Variants in CTDSPL2 observed in about 807,000 individuals in gnomAD.
CTDSPL2 encodes the protein CTD small phosphatase like 2.
CTDSPL2 carries 5 observed loss-of-function variants against 60.0 expected under a neutral mutation model. That is an observed-to-expected ratio of 0.08 (90% confidence interval 0.04 to 0.18). The LOEUF is 0.18. CTDSPL2 is among the 10% of genes least tolerant of loss of function. The pLI is 1.00. For synonymous variants in CTDSPL2, 186 were observed against 189.3 expected (o/e 0.98, Z 0.14); for missense variants, 370 against 548.8 (o/e 0.67, Z 3.26).
At chr15:44,437,676 AACTCGTGTGCCAGGTT>A (rs2080004172) in intron 1 of CTDSPL2, among the ~76,000 whole-genome samples, 2 of 152,206 alleles carry the variant, frequency 1.3e-5, no homozygotes, top group African/African-American at 4.8e-5. Flanking sequence ...AGATTGAGTT[AACTCGTGTGCCAGGTT>A]ACTAGAATTA....
intron 12 of CTDSPL2, among the ~76,000 whole-genome samples, chr15:44,521,830 C>T (rs1256485232): frequency 7.1e-6 from 1 of 141,030 alleles, no homozygotes; most frequent in Non-Finnish European, 1.5e-5. Flanking sequence ...CCCAGCTACT[C>T]GGGAGGCTGA....
In CTDSPL2 at chr15:44,525,420, C is replaced by T; in HGVS notation, c.*1246C>T. The T allele has an allele frequency of 2.5e-6, 1 of 398,862 alleles. No individual in the cohort carries two copies. Among genetic ancestry groups the T allele is most frequent in the East Asian group, 3.6e-5 (1 of 28,076 alleles). 24.7% of individuals were successfully genotyped at this position (398,862 alleles called of 1,614,324 possible). ...TATTTTTATAGTGGCGTGTAATCTCCTTTTCGGGAGGCTTTTTATGGAAGG... is the reference window on the plus strand; with the variant it reads ...TATTTTTATAGTGGCGTGTAATCTCTTTTTCGGGAGGCTTTTTATGGAAGG... On this transcript the variant is annotated 3_prime_UTR_variant, in exon 13 of 13. Transcript: ENST00000260327.
chr15:44,445,979 G>A (rs2080205600), intron 1 of CTDSPL2, among the ~76,000 whole-genome samples: 1 of 146,014 alleles, frequency 6.8e-6, no homozygotes, highest in African/African-American at 2.6e-5. Context: ...AGACTGGAGT[G>A]CAGTGGCGCG....
intron 10 of CTDSPL2, among the ~76,000 whole-genome samples, chr15:44,515,931 C>CT (rs1567104380): frequency 6.6e-6 from 1 of 150,584 alleles, no homozygotes; most frequent in African/African-American, 2.4e-5. Flanking sequence ...CTTTCTCTCT[C>CT]TCTTTCTTTC....
intron 2 of CTDSPL2, among the ~76,000 whole-genome samples, chr15:44,470,272 A>G (rs1176177175): frequency 2.6e-5 from 4 of 151,688 alleles, no homozygotes; most frequent in African/African-American, 9.7e-5. Context: ...TCATGTATTT[A>G]TAAGCGTATG....
intron 3 of CTDSPL2, among the ~76,000 whole-genome samples, 177 bp from the exon 4 acceptor site, chr15:44,486,374 A>G (rs2081118565): frequency 6.6e-6 from 1 of 152,216 alleles, no homozygotes. Context: ...AGAGCATTTG[A>G]CTTACGAGTA....
intron 2 of CTDSPL2, among the ~76,000 whole-genome samples, chr15:44,471,390 C>T (rs879831915): frequency 5.3e-5 from 8 of 152,032 alleles, no homozygotes; most frequent in Non-Finnish European, 7.4e-5. Context: ...AAAATTCACC[C>T]ATTTTTTTGA....
At chr15:44,519,489 C>T in intron 11 of CTDSPL2, 194 bp downstream of exon 11, 1 of 428,718 alleles carries the variant, frequency 2.3e-6, no homozygotes, top group African/African-American at 2.1e-5. Flanking sequence ...AAATGACATG[C>T]AGCATAAATG....
chr15:44,436,254 CA>C (rs1183701936), intron 1 of CTDSPL2, among the ~76,000 whole-genome samples: 2 of 152,136 alleles, frequency 1.3e-5, no homozygotes, highest in African/African-American at 2.4e-5. Flanking sequence ...TATAAATTAA[CA>C]GACCCAGAGA....
At chr15:44,479,660 C>T (rs1054534754) in intron 2 of CTDSPL2, among the ~76,000 whole-genome samples, 10 of 152,046 alleles carry the variant, frequency 6.6e-5, no homozygotes, top group Non-Finnish European at 1.2e-4. Context: ...GCTCCTGCCT[C>T]GACCTCCCAA....
intron 2 of CTDSPL2, among the ~76,000 whole-genome samples, chr15:44,474,956 G>A (rs2080886183): frequency 1.3e-5 from 2 of 152,048 alleles, no homozygotes; most frequent in African/African-American, 4.8e-5. Flanking sequence ...GTTAACACAA[G>A]TTGTTCTAGA....
chr15:44,493,522 C>T (rs1005728266), intron 5 of CTDSPL2, among the ~76,000 whole-genome samples: 8 of 152,152 alleles, frequency 5.3e-5, no homozygotes, highest in Non-Finnish European at 8.8e-5. Context: ...GGCTGGGTGC[C>T]GTGGCTCATG....
intron 8 of CTDSPL2, among the ~76,000 whole-genome samples, chr15:44,500,283 A>G (rs879457878): frequency 2.6e-4 from 39 of 152,018 alleles, no homozygotes; most frequent in Admixed American, 2.4e-3. Flanking sequence ...ATTCCAGGAC[A>G]CTCTTCTAGT....
chr15:44,439,092 T>C (rs1334707473), intron 1 of CTDSPL2, among the ~76,000 whole-genome samples: 1 of 151,842 alleles, frequency 6.6e-6, no homozygotes, highest in African/African-American at 2.4e-5. Context: ...CAGATTTCTT[T>C]CCTAAGCATA....
chr15:44,470,142 A>G lies in CTDSPL2; in HGVS notation c.186+10942A>G, dbSNP rs116239179. 3.7e-3 allele frequency among the ~76,000 whole-genome samples: 558 copies of G among 150,442 alleles called. 5 individuals carry two copies. The highest frequency in any genetic ancestry group is 0.013 in the African/African-American group (536 of 40,984). Reference sequence around the variant, plus strand: ...AAAAATGGCGACTGCATAGTCAGCTATCTTATTTTTTCATGTACTTGTTTT... The same window carrying G: ...AAAAATGGCGACTGCATAGTCAGCTGTCTTATTTTTTCATGTACTTGTTTT... On this transcript the variant is annotated intron_variant, in intron 2 of 12. Coordinates refer to ENST00000260327, the MANE Select transcript of CTDSPL2 (RefSeq NM_016396.3).
At chr15:44,477,897 A>T (rs2080951224) in intron 2 of CTDSPL2, among the ~76,000 whole-genome samples, 1 of 152,062 alleles carries the variant, frequency 6.6e-6, no homozygotes, top group African/African-American at 2.4e-5. Flanking sequence ...ATTTTCCATT[A>T]TGTTATTCAC....
chr15:44,493,275 C>T (rs1465052570), intron 5 of CTDSPL2, among the ~76,000 whole-genome samples: 1 of 152,108 alleles, frequency 6.6e-6, no homozygotes, highest in Non-Finnish European at 1.5e-5. Context: ...TAGATAGAGG[C>T]ATTTAGTATG....
At chr15:44,428,004 A>T (rs2079781290) in intron 1 of CTDSPL2, 1 of 270,222 alleles carries the variant, frequency 3.7e-6, no homozygotes, top group Admixed American at 5.3e-5. Flanking sequence ...TTCACCTCTT[A>T]GGTTGCGGCC....
chr15:44,522,544 G>C (rs2140875300), intron 12 of CTDSPL2, among the ~76,000 whole-genome samples: 1 of 152,222 alleles, frequency 6.6e-6, no homozygotes, highest in South Asian at 2.1e-4. Flanking sequence ...CTTGAGGTCA[G>C]GAGGTCGAGA....
Sources: allele counts gnomAD v4.1 joint callset (sites outside exome capture counted in the v4.1 genomes callset), GRCh38; gene constraint gnomAD v4.1.1; transcripts MANE v1.5; gene names NCBI Gene and HGNC (gene_info 2026-07-23, HGNC 2026-07-21).